PPM1L: variants seen among roughly 807,000 people sequenced by gnomAD.
The protein encoded by PPM1L is protein phosphatase, Mg2+/Mn2+ dependent 1L.
A neutral mutation model predicts 31.4 loss-of-function variants in PPM1L; 13 were observed. That is an observed-to-expected ratio of 0.41 (90% CI 0.27 to 0.66). The LOEUF (loss-of-function observed/expected upper bound fraction) is 0.66. PPM1L is among the 30% of genes least tolerant of loss of function. The probability of loss-of-function intolerance (pLI) is 0.29; values close to 1 mark genes in which losing one functional copy is unlikely to be tolerated. For synonymous variants in PPM1L, 184 were observed against 175.4 expected (o/e 1.05, Z -0.39); for missense variants, 326 against 453.7 (o/e 0.72, Z 2.56).
At chr3:160,940,978 C>T (rs994215111) in intron 1 of PPM1L, among the ~76,000 whole-genome samples, 1 of 152,156 alleles carries the variant, frequency 6.6e-6, no homozygotes, top group Non-Finnish European at 1.5e-5. Flanking sequence ...GGTGGAGCTG[C>T]CTAAGACCAT....
chr3:161,041,761 A>G (rs916528025), intron 2 of PPM1L, among the ~76,000 whole-genome samples: 3 of 152,080 alleles, frequency 2.0e-5, no homozygotes, highest in African/African-American at 4.8e-5. Flanking sequence ...AAACAAACAA[A>G]CAAAACAAAA....
intron 2 of PPM1L, among the ~76,000 whole-genome samples, chr3:161,041,412 G>A (rs1344311155): frequency 2.6e-5 from 4 of 152,156 alleles, no homozygotes; most frequent in Non-Finnish European, 5.9e-5. Flanking sequence ...CTGTGTCATG[G>A]TCCATGGTCA....
At chr3:160,944,827 ATAAC>A (rs1715298890) in intron 1 of PPM1L, among the ~76,000 whole-genome samples, 1 of 67,898 alleles carries the variant, frequency 1.5e-5, no homozygotes, top group African/African-American at 4.7e-5. Flanking sequence ...TATGTTATAT[ATAAC>A]ATATATATGT....
intron 2 of PPM1L, among the ~76,000 whole-genome samples, chr3:161,042,617 C>A (rs557585710): frequency 3.7e-4 from 57 of 152,304 alleles, no homozygotes; most frequent in Non-Finnish European, 7.2e-4. Flanking sequence ...CTCTGAAAAC[C>A]TTTTACTTAT....
At position 160,843,424 on chromosome 3, in the gene PPM1L, TTTTATATA is replaced by T. The variant is rs1317197740; in HGVS notation, c.399+86719_399+86726del. ...TTTTTTTGTGTGTGTATGGCAATTC[TTTTATATA>T]TATATATATATATATATATATATAT... On this transcript the variant is annotated intron_variant, in intron 1 of 3. Transcript: ENST00000498165. 3.8e-3 allele frequency among the ~76,000 whole-genome samples: 191 copies of T among 50,084 alleles called. 3 individuals are homozygous for T. The highest frequency in any genetic ancestry group is 0.012 in the African/African-American group (184 of 15,700). The allele number at this position is 50,084 out of a possible 152,430, so 32.9% of individuals were successfully genotyped here. A position where few individuals can be genotyped will look rare whatever the true frequency, so the allele number is the denominator to read the frequency against.
chr3:160,909,732 C>G (rs1039544943), intron 1 of PPM1L, among the ~76,000 whole-genome samples: 1 of 152,204 alleles, frequency 6.6e-6, no homozygotes, highest in Non-Finnish European at 1.5e-5. Context: ...AATCAGGGAA[C>G]TGCAGTTGTC....
At chr3:161,064,326 C>G (rs1719661702) in intron 2 of PPM1L, among the ~76,000 whole-genome samples, 1 of 150,510 alleles carries the variant, frequency 6.6e-6, no homozygotes. Context: ...ATGATCACAA[C>G]ACTGCTCCCT....
At chr3:160,757,556 C>T (rs2108052567) in intron 1 of PPM1L, among the ~76,000 whole-genome samples, 1 of 152,362 alleles carries the variant, frequency 6.6e-6, no homozygotes, top group South Asian at 2.1e-4. Flanking sequence ...TGCGCTGAGG[C>T]CCAGGTTTCC....
intron 3 of PPM1L, among the ~76,000 whole-genome samples, chr3:161,067,951 T>C (rs1221836838): frequency 1.3e-5 from 2 of 152,234 alleles, no homozygotes; most frequent in African/African-American, 4.8e-5. Context: ...TATTTAATAC[T>C]TTTTGTGGCT....
intron 1 of PPM1L, among the ~76,000 whole-genome samples, chr3:160,913,450 A>T (rs745846735): frequency 3.9e-5 from 6 of 152,150 alleles, no homozygotes; most frequent in Non-Finnish European, 7.4e-5. Flanking sequence ...TTTTAAGTAC[A>T]TTTCAGTGAG....
intron 2 of PPM1L, among the ~76,000 whole-genome samples, chr3:160,993,646 G>T (rs1717210342): frequency 6.6e-6 from 1 of 152,078 alleles, no homozygotes; most frequent in African/African-American, 2.4e-5. Flanking sequence ...AATGTGGAGG[G>T]ACCGAGATTC....
intron 1 of PPM1L, among the ~76,000 whole-genome samples, chr3:160,869,171 C>T (rs1331984651): frequency 6.6e-5 from 10 of 152,172 alleles, no homozygotes; most frequent in Non-Finnish European, 1.0e-4. Context: ...AGTGAATTCA[C>T]GTTTGTGAAA....
chr3:161,052,010 G>T lies in PPM1L; in HGVS notation c.575-13393G>T, dbSNP rs191563885. On this transcript the variant is annotated intron_variant, in intron 2 of 3. Transcript: ENST00000498165. Reference sequence around the variant, plus strand: ...TTATTGACCTGGCATCTGCGGGGGCGACCCAGAGTTTCCATGACCTGTGGT... The same window carrying T: ...TTATTGACCTGGCATCTGCGGGGGCTACCCAGAGTTTCCATGACCTGTGGT... Among the ~76,000 whole-genome samples the T allele has an allele frequency of 6.1e-4, 93 of 152,202 alleles. 2 individuals carry two copies. In the South Asian group the frequency reaches 0.017, roughly 28 times the overall value.
At chr3:160,859,359 A>C (rs1054982444) in intron 1 of PPM1L, among the ~76,000 whole-genome samples, 5 of 152,194 alleles carry the variant, frequency 3.3e-5, no homozygotes, top group African/African-American at 4.8e-5. Flanking sequence ...AGGTCTTTCC[A>C]GTTTCTACAT....
chr3:160,789,910 A>G (rs1268680349), intron 1 of PPM1L, among the ~76,000 whole-genome samples: 2 of 152,108 alleles, frequency 1.3e-5, no homozygotes, highest in African/African-American at 4.8e-5. Context: ...TCAATTTCCT[A>G]ATATAAAGTG....
intron 1 of PPM1L, among the ~76,000 whole-genome samples, chr3:160,821,420 T>C (rs956985490): frequency 6.6e-6 from 1 of 152,124 alleles, no homozygotes; most frequent in African/African-American, 2.4e-5. Flanking sequence ...TCATATTTTT[T>C]AATTTCTGCA....
chr3:160,756,280 G>T lies in PPM1L; in HGVS notation c.-29G>T. The T allele has an allele frequency of 6.3e-7, 1 of 1,579,144 alleles. No homozygotes were observed. Among genetic ancestry groups the T allele is most frequent in the Non-Finnish European group, 8.6e-7 (1 of 1,159,280 alleles). Reference sequence around the variant, plus strand: ...GCGAGCCTTCGGGGCGCGCGTCGCTGGTGGTGGTTGAGGCTCTAGCGATAA... The same window carrying T: ...GCGAGCCTTCGGGGCGCGCGTCGCTTGTGGTGGTTGAGGCTCTAGCGATAA... On this transcript the variant is annotated 5_prime_UTR_variant, in exon 1 of 4. Transcript: ENST00000498165. This position sits in a 1 kb window ranked among gnomAD's most constrained non-coding sequence, Gnocchi z 6.2.
chr3:160,901,202 A>G (rs1215877933), intron 1 of PPM1L, among the ~76,000 whole-genome samples: 1 of 152,112 alleles, frequency 6.6e-6, no homozygotes, highest in African/African-American at 2.4e-5. Context: ...CTGTGACTGC[A>G]TGTTTCCCAT....
At chr3:160,814,476 TACAC>T (rs143386537) in intron 1 of PPM1L, among the ~76,000 whole-genome samples, 9,191 of 144,844 alleles carry the variant, frequency 0.063, 417 homozygotes, top group African/African-American at 0.1. Flanking sequence ...GTGGTGTATA[TACAC>T]ACACACACAC....
Sources: gnomAD v4.1 joint callset for allele counts (sites outside exome capture counted in the v4.1 genomes callset) on GRCh38, gnomAD v4.1.1 for gene constraint, Gnocchi (gnomAD v3.1) non-coding constraint, MANE v1.5 for transcripts, NCBI Gene and HGNC (gene_info 2026-07-23, HGNC 2026-07-21) for gene names.